Variants in TRAPPC8 observed in about 807,000 individuals in gnomAD.
TRAPPC8 encodes the protein general sporulation gene 1 homolog.
TRAPPC8 carries 54 observed loss-of-function variants against 174.3 expected under a neutral mutation model. The observed-to-expected ratio is 0.31, with a 90% CI of 0.25 to 0.39. TRAPPC8 has a LOEUF of 0.39. TRAPPC8 is among the 10% of genes least tolerant of loss of function. The probability of loss-of-function intolerance (pLI) is 1.00; values close to 1 mark genes in which losing one functional copy is unlikely to be tolerated. For synonymous variants in TRAPPC8, 630 were observed against 579.9 expected (o/e 1.09, Z -1.24); for missense variants, 1,531 against 1,699.1 (o/e 0.90, Z 1.74).
chr18:31,881,647 G>C (rs577856682), intron 12 of TRAPPC8, among the ~76,000 whole-genome samples: 5 of 151,920 alleles, frequency 3.3e-5, no homozygotes, highest in African/African-American at 9.7e-5. Flanking sequence ...TTGACAACTG[G>C]TACCTAATTA....
In TRAPPC8 at chr18:31,897,771, A is replaced by G. The variant is rs773163428; in HGVS notation, c.1596+15T>C. ...AACAATGCTAATTAAAGCAAATACT[A>G]CACAGTTTCAGTACCTCACTGGTCA... On this transcript the variant is annotated intron_variant, in intron 11 of 28. Coordinates refer to ENST00000283351, the MANE Select transcript of TRAPPC8 (RefSeq NM_014939.5). 1.3e-6 allele frequency: 2 copies of G among 1,545,630 alleles called. No homozygotes were observed. The highest frequency in any genetic ancestry group is 1.9e-5 in the Admixed American group (1 of 52,824).
In TRAPPC8 at chr18:31,853,871, A is replaced by G. The variant is rs745952636; in HGVS notation, c.3411T>C (p.Ser1137=). ...AACCTTTGTTTTCAGAAAGATTTAC[A>G]GATTTCTGTAACTTCCAGTGTTTGC... ...SSSKHWKLQK[S]VNLSENKDTK... The change falls in exon 22 of 29, where the codon TCT becomes TCC. Residue 1137 remains serine, a synonymous_variant. Transcript: ENST00000283351. 1 of 1,609,876 alleles carries G rather than the reference A, an allele frequency of 6.2e-7. No individual in the cohort carries two copies. The highest frequency in any genetic ancestry group is 1.7e-5 in the Admixed American group (1 of 58,842).
Position 31,829,979 on chromosome 18 carries a change from T to C in TRAPPC8, c.*776A>G, listed in dbSNP as rs972092533. 2 of 152,660 alleles carry C rather than the reference T, an allele frequency of 1.3e-5. No homozygotes were observed. Among genetic ancestry groups the C allele is most frequent in the Non-Finnish European group, 2.9e-5 (2 of 68,040 alleles). The allele number at this position is 152,660 out of a possible 1,614,324, so 9.5% of individuals were successfully genotyped here. A position where few individuals can be genotyped will look rare whatever the true frequency, so the allele number is the denominator to read the frequency against. ...TGTCTTTATTCTATTTACAGTATAT[T>C]TGTTATAAATATAATACATTTTTGA... On this transcript the variant is annotated 3_prime_UTR_variant, in exon 29 of 29. Coordinates refer to ENST00000283351, the MANE Select transcript of TRAPPC8 (RefSeq NM_014939.5).
intron 5 of TRAPPC8, among the ~76,000 whole-genome samples, chr18:31,912,350 G>A (rs1309641064): frequency 2.0e-5 from 3 of 152,260 alleles, no homozygotes; most frequent in Non-Finnish European, 2.9e-5. Flanking sequence ...AATTAGCTGG[G>A]CGTGGTGGTG....
chr18:31,919,666 G>A (rs1468701722), intron 2 of TRAPPC8, among the ~76,000 whole-genome samples: 1 of 150,730 alleles, frequency 6.6e-6, no homozygotes, highest in African/African-American at 2.4e-5. Context: ...AGACCAGCCT[G>A]GGATACATGG....
intron 1 of TRAPPC8, 25 bp from the exon 2 acceptor site, chr18:31,931,548 T>C (rs779398849): frequency 6.5e-7 from 1 of 1,527,176 alleles, no homozygotes; most frequent in African/African-American, 1.4e-5. Flanking sequence ...AGAAAAAAAC[T>C]TGAAATTAAT....
Position 31,829,770 on chromosome 18 carries a change from C to CT in TRAPPC8, c.*984dup, listed in dbSNP as rs2032251479. 6.6e-6 allele frequency: 1 copy of CT among 152,330 alleles called. No individual in the cohort carries two copies. The highest frequency in any genetic ancestry group is 2.4e-5 in the African/African-American group (1 of 41,458). 9.4% of individuals were successfully genotyped at this position (152,330 alleles called of 1,614,324 possible). On this transcript the variant is annotated 3_prime_UTR_variant, in exon 29 of 29. Coordinates refer to ENST00000283351, the MANE Select transcript of TRAPPC8 (RefSeq NM_014939.5). ...ACTCCCTGCCACCCACTCCTACACC[C>CT]TGTCTTCCCTCCTTCTCCAATGACA... is the stretch of plus-strand genomic sequence containing the variant.
chr18:31,936,856 T>C (rs1014966677), intron 1 of TRAPPC8, among the ~76,000 whole-genome samples: 4 of 133,936 alleles, frequency 3.0e-5, no homozygotes, highest in African/African-American at 1.2e-4. Context: ...GAGCTAAGAT[T>C]GTGCGACGGC....
At chr18:31,939,204 G>GAAAAATTA (rs1025517713) in intron 1 of TRAPPC8, among the ~76,000 whole-genome samples, 1 of 149,356 alleles carries the variant, frequency 6.7e-6, no homozygotes, top group African/African-American at 2.5e-5. Context: ...CTAAAACCAA[G>GAAAAATTA]AAAAATTAAG....
At chr18:31,867,794 G>A (rs1270719837) in intron 16 of TRAPPC8, among the ~76,000 whole-genome samples, 3 of 151,984 alleles carry the variant, frequency 2.0e-5, no homozygotes, top group Non-Finnish European at 4.4e-5. Context: ...CAGGAGAACC[G>A]CTTGAACCCG....
intron 5 of TRAPPC8, among the ~76,000 whole-genome samples, chr18:31,911,291 T>A (rs1386182781): frequency 6.6e-6 from 1 of 151,682 alleles, no homozygotes; most frequent in Non-Finnish European, 1.5e-5. Flanking sequence ...CTGAGGCGTG[T>A]GGATCACTTG....
intron 2 of TRAPPC8, among the ~76,000 whole-genome samples, chr18:31,920,086 T>C (rs541462636): frequency 2.0e-5 from 3 of 152,206 alleles, no homozygotes; most frequent in African/African-American, 4.8e-5. Flanking sequence ...AAATAAGAAA[T>C]ACATAATGAA....
At chr18:31,923,017 A>C (rs1343212421) in intron 2 of TRAPPC8, among the ~76,000 whole-genome samples, 2 of 152,166 alleles carry the variant, frequency 1.3e-5, no homozygotes, top group African/African-American at 4.8e-5. Flanking sequence ...ACCCTGCCTC[A>C]AAACAAAACA....
At chr18:31,833,867 TGGCAGGTGCCTATAGTCCCA>T (rs1043317523) in intron 27 of TRAPPC8, among the ~76,000 whole-genome samples, 1 of 151,766 alleles carries the variant, frequency 6.6e-6, no homozygotes, top group African/African-American at 2.4e-5. Context: ...CCGGGCGTGG[TGGCAGGTGCCTATAGTCCCA>T]GTTACTCGGG....
intron 28 of TRAPPC8, 116 bp from the exon 29 acceptor site, chr18:31,831,105 C>T: frequency 2.5e-6 from 2 of 788,300 alleles, no homozygotes; most frequent in Non-Finnish European, 4.0e-6. Flanking sequence ...GTAATCCCAG[C>T]ACTTTGGGAG....
rs1598628403 is a variant in TRAPPC8 at position 31,864,871 on chromosome 18, G to A, written c.2591-90C>T. Reference sequence around the variant, plus strand: ...GAATATGTGAATATTGTAAGTTTCAGATTATTTCTAGAAAAATTCTAGACA... The same window carrying A: ...GAATATGTGAATATTGTAAGTTTCAAATTATTTCTAGAAAAATTCTAGACA... On this transcript the variant is annotated intron_variant, in intron 18 of 28. Transcript: ENST00000283351. 26 of 1,162,256 alleles carry A rather than the reference G, an allele frequency of 2.2e-5. No homozygotes were observed. In the East Asian group the frequency reaches 7.1e-4, roughly 32 times the overall value. The allele number at this position is 1,162,256 out of a possible 1,614,324, so 72.0% of individuals were successfully genotyped here. A position where few individuals can be genotyped will look rare whatever the true frequency, so the allele number is the denominator to read the frequency against.
At chr18:31,904,287 C>G (rs556683887) in intron 9 of TRAPPC8, among the ~76,000 whole-genome samples, 1 of 151,850 alleles carries the variant, frequency 6.6e-6, no homozygotes, top group South Asian at 2.1e-4. Context: ...AAATGGCTCA[C>G]GCCTGTAATC....
At chr18:31,832,336 ATATTG>A (rs1175402561) in intron 27 of TRAPPC8, 163 bp from the exon 28 acceptor site, 1 of 282,754 alleles carries the variant, frequency 3.5e-6, no homozygotes, top group African/African-American at 2.2e-5. Flanking sequence ...AAGACAAATT[ATATTG>A]TAAATAAAAA....
intron 19 of TRAPPC8, among the ~76,000 whole-genome samples, chr18:31,862,052 G>C (rs2034356450): frequency 6.6e-6 from 1 of 151,138 alleles, no homozygotes; most frequent in Non-Finnish European, 1.5e-5. Context: ...ACACAGATCA[G>C]AATCTTCCCA....
Sources: allele counts gnomAD v4.1 joint callset (sites outside exome capture counted in the v4.1 genomes callset), GRCh38; gene constraint gnomAD v4.1.1; transcripts MANE v1.5; gene names NCBI Gene and HGNC (gene_info 2026-07-23, HGNC 2026-07-21).